DNAH12: variants seen among roughly 807,000 people sequenced by gnomAD.
DNAH12 encodes dynein axonemal heavy chain 12.
DNAH12 carries 285 observed loss-of-function variants against 371.5 expected under a neutral mutation model. The observed-to-expected ratio is 0.77, with a 90% CI of 0.70 to 0.85. The LOEUF is 0.85. DNAH12 is among the 40% of genes least tolerant of loss of function. The pLI, the probability that DNAH12 is intolerant of heterozygous loss-of-function variation, is 0.00. For missense variants in DNAH12, 3,611 were observed against 3,689.4 expected (o/e 0.98, Z 0.55); for synonymous variants, 1,200 against 1,213.0 (o/e 0.99, Z 0.22).
At chr3:57,427,114 T>C (rs1393774057) in intron 34 of DNAH12, among the ~76,000 whole-genome samples, 2 of 33,972 alleles carry the variant, frequency 5.9e-5, no homozygotes, top group African/African-American at 2.6e-4. Flanking sequence ...TATATCAATA[T>C]ATTTATTTAT....
chr3:57,443,280 T>C (rs1307142218), intron 29 of DNAH12, among the ~76,000 whole-genome samples: 2 of 152,030 alleles, frequency 1.3e-5, no homozygotes, highest in Admixed American at 1.3e-4. Context: ...CCGCTAATTT[T>C]TGTATTTTTA....
intron 25 of DNAH12, among the ~76,000 whole-genome samples, 152 bp from the exon 26 acceptor site, chr3:57,446,841 C>G (rs983828205): frequency 6.6e-6 from 1 of 152,176 alleles, no homozygotes; most frequent in African/African-American, 2.4e-5. Flanking sequence ...ATTTTTCTAG[C>G]TGCATGAAGA....
chr3:57,306,367 A>T (rs938992552), intron 69 of DNAH12, among the ~76,000 whole-genome samples: 1 of 151,112 alleles, frequency 6.6e-6, no homozygotes, highest in Non-Finnish European at 1.5e-5. Flanking sequence ...AAACTCCCCA[A>T]CTCTGGTGCC....
chr3:57,333,115 T>TA (rs1207688586), intron 62 of DNAH12, among the ~76,000 whole-genome samples: 1 of 152,046 alleles, frequency 6.6e-6, no homozygotes, highest in Admixed American at 6.5e-5. Context: ...TATTATTTTT[T>TA]ATGAGACAGA....
At chr3:57,480,116 A>T (rs2066683129) in intron 13 of DNAH12, among the ~76,000 whole-genome samples, 1 of 152,286 alleles carries the variant, frequency 6.6e-6, no homozygotes, top group African/African-American at 2.4e-5. Context: ...CCTTCAAAAA[A>T]TCAATGAATC....
In DNAH12 at chr3:57,428,624, T is replaced by C. The variant is rs1247515472; in HGVS notation, c.5253+9A>G. 11 of 1,525,188 alleles carry C rather than the reference T, an allele frequency of 7.2e-6. No individual in the cohort carries two copies. The highest frequency in any genetic ancestry group is 1.8e-6 in the Non-Finnish European group (2 of 1,138,448). 94.5% of individuals were successfully genotyped at this position (1,525,188 alleles called of 1,614,324 possible). A position where few individuals can be genotyped will look rare whatever the true frequency, so the allele number is the denominator to read the frequency against. On this transcript the variant is annotated intron_variant, in intron 34 of 73. Transcript: ENST00000495027. ...GAAACTTGAATAGGTCAGAGAATTATAGGATTACCTTGCATTTTTTCTTAC... is the reference window on the plus strand; with the variant it reads ...GAAACTTGAATAGGTCAGAGAATTACAGGATTACCTTGCATTTTTTCTTAC...
intron 62 of DNAH12, among the ~76,000 whole-genome samples, chr3:57,333,082 T>C (rs1054496927): frequency 1.3e-5 from 2 of 152,084 alleles, no homozygotes; most frequent in African/African-American, 4.8e-5. Flanking sequence ...ACAGTTTCTG[T>C]TGCATGTTCT....
At position 57,468,722 on chromosome 3, in the gene DNAH12, A is replaced by T. The variant is rs189285085; in HGVS notation, c.2349+14T>A. On this transcript the variant is annotated intron_variant, in intron 17 of 73. Coordinates refer to ENST00000495027, the MANE Select transcript of DNAH12 (RefSeq NM_001366028.2). Reference sequence around the variant, plus strand: ...ATAGCTATAATATTAAAATGTTATTATATATATTTATACCTTAAAAGCTTT... The same window carrying T: ...ATAGCTATAATATTAAAATGTTATTTTATATATTTATACCTTAAAAGCTTT... The T allele has an allele frequency of 7.6e-7, 1 of 1,318,838 alleles. No homozygotes were observed. The highest frequency in any genetic ancestry group is 9.9e-7 in the Non-Finnish European group (1 of 1,014,514). The allele number at this position is 1,318,838 out of a possible 1,614,324, so 81.7% of individuals were successfully genotyped here.
chr3:57,449,951 G>A (rs1298025800), intron 25 of DNAH12, among the ~76,000 whole-genome samples: 6 of 152,296 alleles, frequency 3.9e-5, no homozygotes, highest in Middle Eastern at 3.4e-3. Flanking sequence ...ATATTCAAGC[G>A]TTTAATATGA....
intron 32 of DNAH12, among the ~76,000 whole-genome samples, chr3:57,430,905 CTATTTA>C (rs2064935784): frequency 6.6e-6 from 1 of 152,100 alleles, no homozygotes; most frequent in Non-Finnish European, 1.5e-5. Flanking sequence ...CCATATGTGG[CTATTTA>C]TATTTAATTT....
At chr3:57,324,271 T>TTTG (rs1315776944) in intron 62 of DNAH12, among the ~76,000 whole-genome samples, 3 of 152,200 alleles carry the variant, frequency 2.0e-5, no homozygotes, top group Non-Finnish European at 4.4e-5. Flanking sequence ...TAAGCCACTG[T>TTTG]ACTTTAGGTC....
chr3:57,408,373 G>A lies in DNAH12; in HGVS notation c.6183C>T (p.Ile2061=). 1.9e-6 allele frequency: 3 copies of A among 1,551,582 alleles called. No homozygotes were observed. Among genetic ancestry groups the A allele is most frequent in the Non-Finnish European group, 2.6e-6 (3 of 1,146,910 alleles). ...NSFSDETMVR[I]FSSIVAFYLR... ...GGTAGAATGCTACAATAGATGAGAA[G>A]ATTCGGACCATAGTTTCATCACTAA... The change falls in exon 40 of 74, where the codon ATC becomes ATT. Residue 2061 remains isoleucine (I), a synonymous_variant. Coordinates refer to ENST00000495027, the MANE Select transcript of DNAH12 (RefSeq NM_001366028.2).
At chr3:57,433,141 A>G (rs1011843324) in intron 32 of DNAH12, among the ~76,000 whole-genome samples, 1 of 150,822 alleles carries the variant, frequency 6.6e-6, no homozygotes, top group African/African-American at 2.4e-5. Flanking sequence ...TCTGGCTAAC[A>G]CAGTAATTTT....
At chr3:57,401,288 A>C (rs1340061786) in intron 43 of DNAH12, among the ~76,000 whole-genome samples, 3 of 151,816 alleles carry the variant, frequency 2.0e-5, no homozygotes, top group Non-Finnish European at 2.9e-5. Flanking sequence ...GGTGGCTGAC[A>C]TCTGTAATCC....
At position 57,489,364 on chromosome 3, in the gene DNAH12, C is replaced by T. The variant is rs1397080390; in HGVS notation, c.1514+145G>A. 11 of 733,386 alleles carry T rather than the reference C, an allele frequency of 1.5e-5. No homozygotes were observed. The East Asian group carries it at 3.7e-4, about 25-fold the overall frequency. The allele number at this position is 733,386 out of a possible 1,614,324, so 45.4% of individuals were successfully genotyped here. ...AAAAGAATCCAGCCCAATGGGACTA[C>T]AAAGGCACCTCTATAGGAGGCAGCT... On this transcript the variant is annotated intron_variant, in intron 12 of 73. Coordinates refer to ENST00000495027, the MANE Select transcript of DNAH12 (RefSeq NM_001366028.2).
chr3:57,446,101 G>A lies in DNAH12; in HGVS notation c.4109C>T (p.Pro1370Leu), dbSNP rs367685479. 7.3e-5 allele frequency: 114 copies of A among 1,551,582 alleles called. No individual in the cohort carries two copies. The African/African-American group carries it at 9.6e-4, about 13-fold the overall frequency. The change falls in exon 27 of 74, where the codon CCG (proline) becomes CTG (leucine). Residue 1370 changes from proline to leucine, a missense_variant. Physicochemically the swap from Pro to Leu is moderately conservative, Grantham distance 98. Coordinates refer to ENST00000495027, the MANE Select transcript of DNAH12 (RefSeq NM_001366028.2). ...VFEGTELKLN[P>L]NCFVAITMNP... ...CATGGTAATAGCTACAAAACAATTC[G>A]GATTGAGCTTAAGTTCTGTCCCTTC...
intron 17 of DNAH12, among the ~76,000 whole-genome samples, chr3:57,465,913 A>G (rs2066186630): frequency 6.6e-6 from 1 of 152,186 alleles, no homozygotes; most frequent in African/African-American, 2.4e-5. Flanking sequence ...CTAGTAGAGT[A>G]GCAAAAACCT....
At chr3:57,506,684 C>T (rs2067770637) in intron 8 of DNAH12, among the ~76,000 whole-genome samples, 1 of 152,074 alleles carries the variant, frequency 6.6e-6, no homozygotes, top group Non-Finnish European at 1.5e-5. Flanking sequence ...TCAAGTGATC[C>T]ACCTGCCTGG....
At chr3:57,527,728 C>T (rs1448494411) in intron 2 of DNAH12, among the ~76,000 whole-genome samples, 1 of 152,208 alleles carries the variant, frequency 6.6e-6, no homozygotes, top group African/African-American at 2.4e-5. Context: ...AGTGGGGTCA[C>T]ACATCCAAAC....
Sources: allele counts gnomAD v4.1 joint callset (sites outside exome capture counted in the v4.1 genomes callset), GRCh38; gene constraint gnomAD v4.1.1; transcripts MANE v1.5; gene names NCBI Gene and HGNC (gene_info 2026-07-23, HGNC 2026-07-21).